Variants in SUMF1 observed in about 807,000 individuals in gnomAD.
The protein encoded by SUMF1 is formylglycine-generating enzyme.
A neutral mutation model predicts 47.6 loss-of-function variants in SUMF1; 48 were observed. The ratio of observed to expected loss-of-function variants is 1.01; its 90% CI spans 0.80 to 1.28. SUMF1 has a LOEUF of 1.28. SUMF1 is among the 50% of genes most tolerant of loss of function. SUMF1 has a pLI of 0.00. For missense variants in SUMF1, 571 were observed against 485.4 expected, an observed-to-expected ratio of 1.18 and a Z score of -1.66; for synonymous variants, 230 against 192.1, an observed-to-expected ratio of 1.20 and a Z score of -1.63.
rs35731250 is a variant in SUMF1 at position 4,411,705 on chromosome 3, G to GAA, written c.841-729_841-728dup. Among the ~76,000 whole-genome samples the GAA allele has an allele frequency of 2.8e-3, 321 of 114,174 alleles. 1 individual carries two copies. Among genetic ancestry groups the GAA allele is most frequent in the Middle Eastern group, 0.016 (3 of 184 alleles). 74.9% of individuals were successfully genotyped at this position (114,174 alleles called of 152,430 possible). On this transcript the variant is annotated intron_variant, in intron 6 of 8. Transcript: ENST00000272902. ...TTTATAAAAGGGGGGAGAGCAGGAG[G>GAA]AAAAAAAAAAAAAAAAAACTTTAAC...
At chr3:4,313,889 A>G in intron 8 of SUMF1, 3 of 1,480,460 alleles carry the variant, frequency 2.0e-6, no homozygotes, top group African/African-American at 1.4e-5. Flanking sequence ...GTTGTCCATC[A>G]GTATCCTTTC....
chr3:4,371,851 T>C (rs1463084360), intron 8 of SUMF1, among the ~76,000 whole-genome samples: 1 of 152,206 alleles, frequency 6.6e-6, no homozygotes, highest in Non-Finnish European at 1.5e-5. Context: ...GGTTTATAAA[T>C]GGTGGATCCA....
At chr3:4,276,056 C>G (rs1199284445) in intron 8 of SUMF1, among the ~76,000 whole-genome samples, 6 of 152,082 alleles carry the variant, frequency 3.9e-5, no homozygotes, top group Admixed American at 3.9e-4. Flanking sequence ...CTGTGTGGTT[C>G]CAAGTTCATG....
chr3:4,436,103 G>A lies in SUMF1; in HGVS notation c.519+13163C>T, dbSNP rs181220952. Among the ~76,000 whole-genome samples the A allele has an allele frequency of 3.3e-4, 51 of 152,262 alleles. 1 individual carries two copies. Among genetic ancestry groups the A allele is most frequent in the African/African-American group, 1.2e-3 (49 of 41,560 alleles). ...TTGAGACCAGCCTGGGCAACATGGC[G>A]AAACCCCATCTCTATTTTTAAAAAG... On this transcript the variant is annotated intron_variant, in intron 3 of 8. Coordinates refer to ENST00000272902, the MANE Select transcript of SUMF1 (RefSeq NM_182760.4).
chr3:4,281,295 T>C (rs1697524578), intron 8 of SUMF1, among the ~76,000 whole-genome samples: 1 of 152,068 alleles, frequency 6.6e-6, no homozygotes, highest in Non-Finnish European at 1.5e-5. Flanking sequence ...TTTGTGATGT[T>C]ATTATAGCTT....
chr3:4,094,994 G>T (rs1263844599), intron 8 of SUMF1, among the ~76,000 whole-genome samples: 1 of 151,968 alleles, frequency 6.6e-6, no homozygotes. Context: ...ATGATCAATT[G>T]GTAGTGATGT....
At chr3:4,394,245 C>A (rs1700970259) in intron 7 of SUMF1, among the ~76,000 whole-genome samples, 2 of 152,110 alleles carry the variant, frequency 1.3e-5, no homozygotes, top group South Asian at 4.1e-4. Context: ...TCATGACTCA[C>A]TGCAGCCTCA....
At chr3:4,242,359 T>A (rs1347276558) in intron 8 of SUMF1, among the ~76,000 whole-genome samples, 2 of 152,184 alleles carry the variant, frequency 1.3e-5, no homozygotes, top group African/African-American at 2.4e-5. Flanking sequence ...GTGCCAGTTT[T>A]CAGAGGGAAT....
At chr3:4,362,747 T>C (rs1415472526) in intron 8 of SUMF1, among the ~76,000 whole-genome samples, 4 of 152,090 alleles carry the variant, frequency 2.6e-5, no homozygotes, top group Non-Finnish European at 5.9e-5. Context: ...CACAGCAAGA[T>C]CCCATCTCTA....
intron 8 of SUMF1, chr3:4,303,678 C>T (rs943809752): frequency 4.0e-5 from 60 of 1,490,434 alleles, no homozygotes; most frequent in African/African-American, 3.1e-4. Flanking sequence ...GTGCATGCCC[C>T]GGCCTGGGCC....
At chr3:4,303,385 G>C in intron 8 of SUMF1, 1 of 1,555,116 alleles carries the variant, frequency 6.4e-7, no homozygotes, top group Admixed American at 1.9e-5. Flanking sequence ...TCGCGGAAGC[G>C]GCAAAGACGA....
At chr3:4,059,593 T>G (rs1459210882) in intron 9 of SUMF1, among the ~76,000 whole-genome samples, 1 of 152,156 alleles carries the variant, frequency 6.6e-6, no homozygotes, top group Non-Finnish European at 1.5e-5. Context: ...TATCATGTTA[T>G]TCAACAAATT....
intron 8 of SUMF1, among the ~76,000 whole-genome samples, chr3:4,120,980 A>G (rs1018173466): frequency 5.3e-5 from 8 of 152,304 alleles, no homozygotes; most frequent in African/African-American, 1.9e-4. Flanking sequence ...TGTGCTAGGT[A>G]AATAATAGCT....
chr3:4,156,844 TAATA>T (rs974204202), intron 8 of SUMF1, among the ~76,000 whole-genome samples: 3 of 151,686 alleles, frequency 2.0e-5, no homozygotes, highest in African/African-American at 4.9e-5. Flanking sequence ...TTAAATAAAT[TAATA>T]CTTTTTTTCT....
intron 8 of SUMF1, among the ~76,000 whole-genome samples, chr3:4,071,462 T>C (rs922858182): frequency 4.6e-5 from 7 of 152,206 alleles, no homozygotes; most frequent in Non-Finnish European, 1.0e-4. Context: ...ACCTTTCCCA[T>C]GGTCTTTGCA....
chr3:4,287,752 G>A lies in SUMF1; in HGVS notation c.1014+88578C>T, dbSNP rs141951940. On this transcript the variant is annotated intron_variant and NMD_transcript_variant, in intron 8 of 12. Coordinates refer to the SUMF1 transcript ENST00000448413. ...TCCCAAGGTGCCTCAGTGCAGTTTA[G>A]GAACAACAGATTCAAAGAATATAGT... 1.8e-3 allele frequency among the ~76,000 whole-genome samples: 268 copies of A among 152,276 alleles called. 1 individual carries two copies. The highest frequency in any genetic ancestry group is 5.3e-3 in the African/African-American group (220 of 41,562).
At chr3:4,272,155 T>C (rs900215347) in intron 8 of SUMF1, among the ~76,000 whole-genome samples, 4 of 152,178 alleles carry the variant, frequency 2.6e-5, no homozygotes, top group Non-Finnish European at 5.9e-5. Context: ...ATAAGGCAAG[T>C]GTAAATGTAA....
Position 4,255,983 on chromosome 3 carries a change from A to C in SUMF1, c.1014+120347T>G, listed in dbSNP as rs1391151253. Among the ~76,000 whole-genome samples, 3 of 148,346 alleles carry C rather than the reference A, an allele frequency of 2.0e-5. No individual in the cohort carries two copies. The South Asian group carries it at 6.6e-4, about 33-fold the overall frequency. On this transcript the variant is annotated intron_variant and NMD_transcript_variant, in intron 8 of 12. Coordinates refer to the SUMF1 transcript ENST00000448413. ...ATGTCACTCAAAGCCGCTCAACTAC[A>C]TGCAAACTGAACAACCTGCTCCTGA...
At chr3:4,076,125 A>T (rs1438631947) in intron 8 of SUMF1, among the ~76,000 whole-genome samples, 1 of 152,142 alleles carries the variant, frequency 6.6e-6, no homozygotes, top group African/African-American at 2.4e-5. Flanking sequence ...ACAGCATGGT[A>T]CTGGTACCAA....
Sources: allele counts gnomAD v4.1 joint callset (sites outside exome capture counted in the v4.1 genomes callset), GRCh38; gene constraint gnomAD v4.1.1; transcripts MANE v1.5; gene names NCBI Gene and HGNC (gene_info 2026-07-23, HGNC 2026-07-21).